The following TEX14 variants were observed in gnomAD, a reference collection of about 807,000 sequenced individuals.
TEX14 encodes testis expressed 14, intercellular bridge forming factor.
A neutral mutation model predicts 178.6 loss-of-function variants in TEX14; 168 were observed. The observed-to-expected ratio is 0.94, with a 90% CI of 0.83 to 1.07. The LOEUF is 1.07. TEX14 is among the 50% of genes least tolerant of loss of function. The probability of loss-of-function intolerance (pLI) is 0.00; values close to 1 mark genes in which losing one functional copy is unlikely to be tolerated. For synonymous variants in TEX14, 626 were observed against 634.1 expected (o/e 0.99, Z 0.19); for missense variants, 1,730 against 1,753.6 (o/e 0.99, Z 0.24).
intron 1 of TEX14, among the ~76,000 whole-genome samples, chr17:58,655,957 A>C (rs1290612936): frequency 6.6e-6 from 1 of 152,272 alleles, no homozygotes; most frequent in Admixed American, 6.5e-5. Flanking sequence ...GTCCTGTTAA[A>C]GGGCACTGTT....
At chr17:58,573,992 T>G (rs1007807152) in intron 22 of TEX14, among the ~76,000 whole-genome samples, 195 bp downstream of exon 22, 2 of 152,188 alleles carry the variant, frequency 1.3e-5, no homozygotes, top group African/African-American at 4.8e-5. Flanking sequence ...CATCACTACA[T>G]TTCCTTGAGT....
rs2047243732 is a variant in TEX14, at chr17:58,668,107, G to GAAT, written c.-1-16106_-1-16105insATT. On this transcript the variant is annotated intron_variant, in intron 1 of 31. Coordinates refer to ENST00000349033, the MANE Select transcript of TEX14 (RefSeq NM_031272.5). ...CCCCAGGTGATATCTGATCACCCCA[G>GAAT]CCTGTCTTCAGCAAGAATCCTGTTA... Among the ~76,000 whole-genome samples the GAAT allele has an allele frequency of 2.0e-5, 3 of 152,036 alleles. No homozygotes were observed. In the South Asian group the frequency reaches 6.2e-4, roughly 31 times the overall value.
intron 1 of TEX14, among the ~76,000 whole-genome samples, chr17:58,691,288 T>A (rs2047713223): frequency 6.6e-6 from 1 of 152,202 alleles, no homozygotes; most frequent in Non-Finnish European, 1.5e-5. Flanking sequence ...CGTTGTTTCC[T>A]TTTTTAGATC....
At chr17:58,678,184 T>C (rs2047427096) in intron 1 of TEX14, among the ~76,000 whole-genome samples, 2 of 152,108 alleles carry the variant, frequency 1.3e-5, no homozygotes, top group African/African-American at 4.8e-5. Flanking sequence ...TTAGATGTGA[T>C]TGATTTAAGA....
intron 1 of TEX14, among the ~76,000 whole-genome samples, chr17:58,658,345 G>A (rs2047012291): frequency 6.6e-6 from 1 of 150,864 alleles, no homozygotes; most frequent in Admixed American, 6.6e-5. Flanking sequence ...TGGGATTACA[G>A]GCATGCACCA....
chr17:58,564,783 T>C (rs1434690877), intron 28 of TEX14, 86 bp downstream of exon 28: 2 of 776,310 alleles, frequency 2.6e-6, no homozygotes, highest in Non-Finnish European at 4.0e-6. Context: ...ACTTTTTTTC[T>C]TTCTTATTTG....
chr17:58,638,324 C>T (rs2046486603), intron 2 of TEX14, among the ~76,000 whole-genome samples: 1 of 151,524 alleles, frequency 6.6e-6, no homozygotes, highest in African/African-American at 2.4e-5. Context: ...GTCTGCGCAA[C>T]ACAGCGAGAC....
chr17:58,578,120 C>G (rs1245109092), intron 20 of TEX14, among the ~76,000 whole-genome samples: 1 of 152,006 alleles, frequency 6.6e-6, no homozygotes, highest in Non-Finnish European at 1.5e-5. Context: ...CCTATGACTC[C>G]CCCACCCCCA....
At chr17:58,581,655 CA>C in intron 19 of TEX14, 1 of 1,613,890 alleles carries the variant, frequency 6.2e-7, no homozygotes, top group Non-Finnish European at 8.5e-7. Flanking sequence ...TAAAAATATT[CA>C]CCGTCTGGAG....
At chr17:58,600,360 C>T (rs1318285183) in intron 13 of TEX14, among the ~76,000 whole-genome samples, 2 of 151,596 alleles carry the variant, frequency 1.3e-5, no homozygotes, top group Non-Finnish European at 2.9e-5. Flanking sequence ...ACATGGTGAC[C>T]ACCATGGCCT....
At chr17:58,678,156 G>GA (rs1018654176) in intron 1 of TEX14, among the ~76,000 whole-genome samples, 3 of 151,266 alleles carry the variant, frequency 2.0e-5, no homozygotes, top group African/African-American at 7.3e-5. Context: ...ACTCAAGGGG[G>GA]AAAAAAAAGG....
At chr17:58,658,387 C>CT (rs34857563) in intron 1 of TEX14, among the ~76,000 whole-genome samples, 12,055 of 94,994 alleles carry the variant, frequency 0.13, 1,354 homozygotes, top group East Asian at 0.25. Flanking sequence ...TGTGCACCGG[C>CT]TTTTTTTTTT....
intron 1 of TEX14, among the ~76,000 whole-genome samples, chr17:58,685,161 T>C (rs2047569692): frequency 6.6e-6 from 1 of 151,954 alleles, no homozygotes; most frequent in Admixed American, 6.6e-5. Flanking sequence ...AGATTTGGCC[T>C]AGTTTTGAAG....
At chr17:58,637,849 C>T (rs1266963976) in intron 2 of TEX14, among the ~76,000 whole-genome samples, 2 of 148,758 alleles carry the variant, frequency 1.3e-5, no homozygotes, top group African/African-American at 4.9e-5. Context: ...GGTTTACAAC[C>T]TACTGCCTTT....
At chr17:58,673,484 AAAATAAATAAAT>A (rs76433652) in intron 1 of TEX14, among the ~76,000 whole-genome samples, 18 of 143,508 alleles carry the variant, frequency 1.3e-4, no homozygotes, top group South Asian at 6.9e-4. Context: ...CTCCATCTCA[AAAATAAATAAAT>A]AAATAAATAA....
intron 21 of TEX14, among the ~76,000 whole-genome samples, 156 bp from the exon 22 acceptor site, chr17:58,574,405 C>T (rs1161670350): frequency 2.0e-5 from 3 of 152,096 alleles, no homozygotes; most frequent in Admixed American, 6.5e-5. Flanking sequence ...GTGCCAGGCA[C>T]GTTGGCTCAC....
intron 3 of TEX14, among the ~76,000 whole-genome samples, chr17:58,626,415 C>G (rs112163544): frequency 6.6e-6 from 1 of 151,608 alleles, no homozygotes; most frequent in African/African-American, 2.4e-5. Context: ...AAAATACAAA[C>G]AAAAATTAGC....
At chr17:58,567,305 G>A (rs1299158790) in intron 26 of TEX14, among the ~76,000 whole-genome samples, 1 of 152,158 alleles carries the variant, frequency 6.6e-6, no homozygotes, top group Non-Finnish European at 1.5e-5. Flanking sequence ...AGGCAGCATA[G>A]ACAAGCCACC....
chr17:58,658,799 A>ATT (rs113265678), intron 1 of TEX14, among the ~76,000 whole-genome samples: 1 of 147,798 alleles, frequency 6.8e-6, no homozygotes, highest in Non-Finnish European at 1.5e-5. Context: ...AGACCCAGGA[A>ATT]TTTTTTTTTT....
Sources: gnomAD v4.1 joint callset for allele counts (sites outside exome capture counted in the v4.1 genomes callset) on GRCh38, gnomAD v4.1.1 for gene constraint, MANE v1.5 for transcripts, NCBI Gene and HGNC (gene_info 2026-07-23, HGNC 2026-07-21) for gene names.